The following NCKAP5 variants were observed in gnomAD, a reference collection of about 807,000 sequenced individuals.
NCKAP5 encodes the protein NCK associated protein 5, also known as nck-associated protein 5.
In NCKAP5, 92 loss-of-function variants were observed where a neutral mutation model predicts 167.0. The observed-to-expected ratio is 0.55, with a 90% CI of 0.47 to 0.66. The LOEUF (loss-of-function observed/expected upper bound fraction) is 0.66. Among genes scored for constraint, NCKAP5 ranks in the 30% least tolerant of loss-of-function variants. NCKAP5 has a pLI of 0.00. For synonymous variants in NCKAP5, 891 were observed against 877.4 expected (o/e 1.02, Z -0.27); for missense variants, 2,378 against 2,315.0 (o/e 1.03, Z -0.56).
intron 4 of NCKAP5, chr2:133,265,073 T>C (rs1202514897): frequency 2.6e-5 from 4 of 152,238 alleles, no homozygotes; most frequent in Admixed American, 2.0e-4. Context: ...GATACTGATA[T>C]GAAATGATTT....
chr2:132,755,452 A>T (rs1194548987), intron 16 of NCKAP5, among the ~76,000 whole-genome samples: 1 of 152,188 alleles, frequency 6.6e-6, no homozygotes, highest in African/African-American at 2.4e-5. Context: ...ATTACGGGCA[A>T]GGCACAATGC....
chr2:132,775,132 G>A (rs999509728), intron 15 of NCKAP5, among the ~76,000 whole-genome samples: 3 of 152,152 alleles, frequency 2.0e-5, no homozygotes, highest in Admixed American at 2.0e-4. Flanking sequence ...GCTTAGGCAC[G>A]TACGTTAGAG....
chr2:133,401,217 T>C (rs1021704250), intron 3 of NCKAP5, among the ~76,000 whole-genome samples: 5 of 152,238 alleles, frequency 3.3e-5, no homozygotes, highest in African/African-American at 4.8e-5. Context: ...ATTGAGGTTC[T>C]GGCAGGTTGG....
chr2:133,400,027 T>C (rs561198144), intron 3 of NCKAP5, among the ~76,000 whole-genome samples: 1 of 152,324 alleles, frequency 6.6e-6, no homozygotes, highest in Non-Finnish European at 1.5e-5. Flanking sequence ...TATTTTCTAA[T>C]TTCAATCTTC....
At chr2:133,591,728 A>T in the NCKAP5 span, among the ~76,000 whole-genome samples, 3 of 152,258 alleles carry the variant, frequency 2.0e-5, no homozygotes, top group African/African-American at 7.2e-5. Flanking sequence ...ATTTTTCTAC[A>T]TAACAACTCT....
At chr2:133,648,643 CTT>C in the NCKAP5 span, among the ~76,000 whole-genome samples, 1 of 151,918 alleles carries the variant, frequency 6.6e-6, no homozygotes, top group Non-Finnish European at 1.5e-5. Context: ...ACAACACACT[CTT>C]TAACAACTAT....
chr2:133,549,830 C>G (rs1381858822), intron 2 of NCKAP5, among the ~76,000 whole-genome samples: 2 of 149,596 alleles, frequency 1.3e-5, no homozygotes, highest in Non-Finnish European at 3.0e-5. Flanking sequence ...AAAGGATCAA[C>G]AAAATTGATA....
At chr2:133,231,380 C>T (rs2087139793) in intron 4 of NCKAP5, among the ~76,000 whole-genome samples, 1 of 152,110 alleles carries the variant, frequency 6.6e-6, no homozygotes. Flanking sequence ...TGTTACCTAA[C>T]ATCTTACTGG....
chr2:133,667,254 A>G, the NCKAP5 span, among the ~76,000 whole-genome samples: 2 of 152,134 alleles, frequency 1.3e-5, no homozygotes, highest in South Asian at 4.1e-4. Context: ...TGATGTGACA[A>G]TAGTGAACTC....
At chr2:133,590,928 A>T in the NCKAP5 span, among the ~76,000 whole-genome samples, 2 of 19,852 alleles carry the variant, frequency 1.0e-4, no homozygotes, top group Non-Finnish European at 1.5e-4. Flanking sequence ...TGTGTGTGTG[A>T]GAGAGAGAGA....
At chr2:132,863,041 C>G (rs1003052247) in intron 10 of NCKAP5, among the ~76,000 whole-genome samples, 5 of 151,972 alleles carry the variant, frequency 3.3e-5, no homozygotes, top group Non-Finnish European at 7.4e-5. Context: ...AGGCTGGTCT[C>G]GAACTCCTGA....
At chr2:133,571,226 A>G (rs905116901), upstream of NCKAP5, among the ~76,000 whole-genome samples, 2 of 152,092 alleles carry the variant, frequency 1.3e-5, no homozygotes, top group Non-Finnish European at 2.9e-5. Flanking sequence ...CCCACATATT[A>G]TAGGAACCTG....
At chr2:133,172,301 C>A (rs2084281349) in intron 5 of NCKAP5, among the ~76,000 whole-genome samples, 1 of 152,130 alleles carries the variant, frequency 6.6e-6, no homozygotes, top group African/African-American at 2.4e-5. Flanking sequence ...AAACAAATAA[C>A]CCTAACACTC....
At chr2:132,731,411 G>A (rs1161453789) in intron 17 of NCKAP5, among the ~76,000 whole-genome samples, 1 of 152,222 alleles carries the variant, frequency 6.6e-6, no homozygotes, top group Non-Finnish European at 1.5e-5. Context: ...ATCTTGGGCT[G>A]AAATTGGTCT....
At chr2:133,356,940 T>C (rs1314793559) in intron 3 of NCKAP5, among the ~76,000 whole-genome samples, 3 of 152,184 alleles carry the variant, frequency 2.0e-5, no homozygotes, top group Non-Finnish European at 4.4e-5. Context: ...AATTGATAGC[T>C]AGAAAATGTC....
chr2:132,722,086 G>C (rs1689980845), intron 19 of NCKAP5, among the ~76,000 whole-genome samples: 1 of 152,190 alleles, frequency 6.6e-6, no homozygotes, highest in Admixed American at 6.5e-5. Context: ...TAAATTTACT[G>C]TTCATCATGA....
chr2:132,688,086 T>C (rs1366843086), intron 19 of NCKAP5, among the ~76,000 whole-genome samples: 1 of 152,196 alleles, frequency 6.6e-6, no homozygotes, highest in Admixed American at 6.5e-5. Context: ...GAAAATCTAA[T>C]TAATCTGTGA....
At chr2:132,738,644 C>T (rs1473180473) in intron 16 of NCKAP5, among the ~76,000 whole-genome samples, 2 of 152,140 alleles carry the variant, frequency 1.3e-5, no homozygotes, top group Non-Finnish European at 2.9e-5. Flanking sequence ...TGTTGCATTG[C>T]TATAAATGGG....
intron 19 of NCKAP5, among the ~76,000 whole-genome samples, chr2:132,723,420 C>T (rs894251272): frequency 6.6e-6 from 1 of 152,028 alleles, no homozygotes; most frequent in Non-Finnish European, 1.5e-5. Flanking sequence ...GCTCGGCCTC[C>T]CAAAGTGCTG....
Sources: gnomAD v4.1 joint callset for allele counts (sites outside exome capture counted in the v4.1 genomes callset) on GRCh38, gnomAD v4.1.1 for gene constraint, MANE v1.5 for transcripts, NCBI Gene and HGNC (gene_info 2026-07-23, HGNC 2026-07-21) for gene names.